The following DAZAP2 variants were observed in gnomAD, a reference collection of about 807,000 sequenced individuals.
DAZAP2 encodes DAZ-associated protein 2.
A neutral mutation model predicts 16.2 loss-of-function variants in DAZAP2; 3 were observed. The ratio of observed to expected loss-of-function variants is 0.19; its 90% CI spans 0.08 to 0.48. The LOEUF is 0.48. Ranked by LOEUF, DAZAP2 falls within the 20% of genes least tolerant of loss-of-function variation. The pLI is 0.98. For missense variants in DAZAP2, 172 were observed against 215.9 expected (o/e 0.80, Z 1.27); for synonymous variants, 69 against 77.6 (o/e 0.89, Z 0.58).
rs1592228091 is a variant in DAZAP2 at position 51,242,673 on chromosome 12, G to T, written c.*215G>T. The T allele has an allele frequency of 6.6e-7, 1 of 1,516,688 alleles. No homozygotes were observed. The allele number at this position is 1,516,688 out of a possible 1,614,324, so 94.0% of individuals were successfully genotyped here. A position where few individuals can be genotyped will look rare whatever the true frequency, so the allele number is the denominator to read the frequency against. The stretch of plus-strand genomic sequence containing the variant: ...CCTAAAGCATTTTGAGGTAGGGGAG[G>T]TATCCATTCATAAAATGAATGTGGG... On this transcript the variant is annotated 3_prime_UTR_variant, in exon 4 of 4. Coordinates refer to ENST00000412716, the MANE Select transcript of DAZAP2 (RefSeq NM_014764.4).
downstream of DAZAP2, chr12:51,244,027 T>A: frequency 1.7e-6 from 1 of 575,554 alleles, no homozygotes; most frequent in Non-Finnish European, 2.2e-6. Flanking sequence ...GACCTAAACT[T>A]AGAAATGAGG....
intron 1 of DAZAP2, chr12:51,239,343 T>G: frequency 5.2e-6 from 1 of 192,606 alleles, no homozygotes; most frequent in Non-Finnish European, 1.1e-5. Flanking sequence ...GAGGTCTCTT[T>G]TCCTTCCCTT....
intron 1 of DAZAP2, chr12:51,239,132 T>C: frequency 1.5e-6 from 1 of 649,742 alleles, no homozygotes; most frequent in Admixed American, 3.4e-5. Context: ...GTAAACTCTG[T>C]GGCGCAGTTT....
In DAZAP2 at chr12:51,242,605, T is replaced by C. The variant is rs1388262116; in HGVS notation, c.*147T>C. The C allele has an allele frequency of 3.2e-6, 5 of 1,585,550 alleles. No individual in the cohort carries two copies. Among genetic ancestry groups the C allele is most frequent in the Admixed American group, 1.9e-5 (1 of 53,750 alleles). ...TTCTGGTGCCCAAACTTTCAGGCACTTTTCAAATTTAATAAGGAACCATGT... is the reference window on the plus strand; with the variant it reads ...TTCTGGTGCCCAAACTTTCAGGCACCTTTCAAATTTAATAAGGAACCATGT... On this transcript the variant is annotated 3_prime_UTR_variant, in exon 4 of 4. Transcript: ENST00000412716.
chr12:51,246,003 C>G, downstream of DAZAP2: 4 of 1,613,936 alleles, frequency 2.5e-6, no homozygotes, highest in Non-Finnish European at 3.4e-6. Flanking sequence ...TGGACGATGG[C>G]ACTGGGCTCA....
At chr12:51,246,229 A>G, downstream of DAZAP2, 1 of 1,473,490 alleles carries the variant, frequency 6.8e-7, no homozygotes, top group Non-Finnish European at 9.1e-7. Context: ...TCTTGTTTTC[A>G]TTAACTAGTG....
intron 3 of DAZAP2, 31 bp downstream of exon 3, chr12:51,241,147 C>G (rs1489531001): frequency 6.2e-7 from 1 of 1,606,176 alleles, no homozygotes; most frequent in Non-Finnish European, 8.5e-7. Context: ...AGAAACTCAG[C>G]CCTTGTGTAT....
Position 51,240,957 on chromosome 12 carries a change from C to T in DAZAP2, c.219C>T (p.Pro73=), listed in dbSNP as rs1457493677. Residue 73 remains proline (P), a synonymous_variant, in exon 3 of 4, where the codon CCC becomes CCT. Coordinates refer to ENST00000412716, the MANE Select transcript of DAZAP2 (RefSeq NM_014764.4). ...TTCCTGGAGCCTCTCTGTATCTTCCCATGGCCCAGTCTGTGGCTGTTGGGC... is the reference window on the plus strand; with the variant it reads ...TTCCTGGAGCCTCTCTGTATCTTCCTATGGCCCAGTCTGTGGCTGTTGGGC... The part of the protein sequence containing the change: ...AAFPGASLYL[P]MAQSVAVGPL... 56 of 1,614,112 alleles carry T rather than the reference C, an allele frequency of 3.5e-5. No individual in the cohort carries two copies. Among genetic ancestry groups the T allele is most frequent in the Non-Finnish European group, 4.7e-5 (55 of 1,180,062 alleles).
In DAZAP2 at chr12:51,240,968, CTG is replaced by C; in HGVS notation, c.233_234del (p.Val78GlyfsTer33). On this transcript the variant is annotated frameshift_variant, in exon 3 of 4. Coordinates refer to ENST00000412716, the MANE Select transcript of DAZAP2 (RefSeq NM_014764.4). LOFTEE classifies it high-confidence loss of function. The stretch of plus-strand genomic sequence containing the variant: ...TCTCTGTATCTTCCCATGGCCCAGT[CTG>C]TGGCTGTTGGGCCTTTAGGTTCCAC... 1 of 1,614,218 alleles carries C rather than the reference CTG, an allele frequency of 6.2e-7. No individual in the cohort carries two copies. Among genetic ancestry groups the C allele is most frequent in the East Asian group, 2.2e-5 (1 of 44,882 alleles).
downstream of DAZAP2, chr12:51,246,653 A>G (rs1944776621): frequency 1.3e-6 from 1 of 764,936 alleles, no homozygotes; most frequent in Non-Finnish European, 2.0e-6. Flanking sequence ...ATAACTTACA[A>G]GCCAGAGTGA....
chr12:51,243,623 T>G lies in DAZAP2; in HGVS notation c.*1165T>G. On this transcript the variant is annotated 3_prime_UTR_variant, in exon 4 of 4. Coordinates refer to ENST00000412716, the MANE Select transcript of DAZAP2 (RefSeq NM_014764.4). ...ATTTCAGTTCATCTAAATTGTGTGT[T>G]CTGTACATGTGATGTTTGACTGTAC... 1 of 985,858 alleles carries G rather than the reference T, an allele frequency of 1.0e-6. No homozygotes were observed. The highest frequency in any genetic ancestry group is 1.2e-6 in the Non-Finnish European group (1 of 829,908). The allele number at this position is 985,858 out of a possible 1,614,324, so 61.1% of individuals were successfully genotyped here.
chr12:51,240,592 A>G (rs1434008315), intron 2 of DAZAP2, 131 bp downstream of exon 2: 4 of 988,446 alleles, frequency 4.0e-6, no homozygotes, highest in Admixed American at 2.5e-5. Flanking sequence ...ACACTATATA[A>G]TTTGGCAATT....
intron 1 of DAZAP2, chr12:51,239,994 A>G: frequency 3.6e-6 from 1 of 279,260 alleles, no homozygotes; most frequent in Non-Finnish European, 6.9e-6. Context: ...TGTGGAGACT[A>G]CCTAGAGCAG....
At position 51,243,721 on chromosome 12, in the gene DAZAP2, T is replaced by C. The variant is rs1303820003; in HGVS notation, c.*1263T>C. 4 of 985,676 alleles carry C rather than the reference T, an allele frequency of 4.1e-6. No homozygotes were observed. Among genetic ancestry groups the C allele is most frequent in the Non-Finnish European group, 4.8e-6 (4 of 829,738 alleles). The allele number at this position is 985,676 out of a possible 1,614,324, so 61.1% of individuals were successfully genotyped here. ...TGGTGCACTTAACTTGTGGAATTTT[T>C]ATACTAAAAATGTAGAATAAAGACT... is the stretch of plus-strand genomic sequence containing the variant. On this transcript the variant is annotated 3_prime_UTR_variant, in exon 4 of 4. Transcript: ENST00000412716.
At position 51,243,519 on chromosome 12, in the gene DAZAP2, G is replaced by GGT; in HGVS notation, c.*1062_*1063dup. ...CTTGAGTCCAGTGAAATCTCATTAG[G>GGT]GTTTAAGAATATTTCAGGGATCCTT... is the stretch of plus-strand genomic sequence containing the variant. On this transcript the variant is annotated 3_prime_UTR_variant, in exon 4 of 4. Transcript: ENST00000412716. 2 of 985,654 alleles carry GGT rather than the reference G, an allele frequency of 2.0e-6. No homozygotes were observed. Among genetic ancestry groups the GGT allele is most frequent in the Non-Finnish European group, 2.4e-6 (2 of 829,910 alleles). 61.1% of individuals were successfully genotyped at this position (985,654 alleles called of 1,614,324 possible). A position where few individuals can be genotyped will look rare whatever the true frequency, so the allele number is the denominator to read the frequency against.
intron 3 of DAZAP2, 149 bp downstream of exon 3, chr12:51,241,265 A>AG (rs1944671549): frequency 2.4e-6 from 3 of 1,276,346 alleles, no homozygotes; most frequent in African/African-American, 3.0e-5. Context: ...AAAGTGTTTG[A>AG]GGGGGCAGAA....
At chr12:51,246,493 C>G, downstream of DAZAP2, 1 of 446,086 alleles carries the variant, frequency 2.2e-6, no homozygotes, top group Non-Finnish European at 4.0e-6. Flanking sequence ...ATATCCTCGT[C>G]CCTACCCACG....
At chr12:51,238,945 C>T (rs1399814239) in intron 1 of DAZAP2, 25 bp downstream of exon 1, 5 of 1,612,732 alleles carry the variant, frequency 3.1e-6, no homozygotes, top group African/African-American at 1.3e-5. Flanking sequence ...TGGCAGAGGC[C>T]GTCGGGGGGA....
In DAZAP2 at chr12:51,242,364, A is replaced by T; in HGVS notation, c.413A>T (p.Gln138Leu). The change falls in exon 4 of 4, where the codon CAG (glutamine) becomes CTG (leucine). Residue 138 changes from glutamine to leucine, a missense_variant. By Grantham distance (113) the Gln-to-Leu change is moderately radical (BLOSUM62 -2). Coordinates refer to ENST00000412716, the MANE Select transcript of DAZAP2 (RefSeq NM_014764.4). The part of the protein sequence containing the change: ...PPPGCPPNAA[Q>L]LAVMQGANVL... ...CCTGGATGCCCTCCCAATGCTGCTC[A>T]GCTTGCAGTCATGCAGGGAGCCAAC... 1 of 1,611,272 alleles carries T rather than the reference A, an allele frequency of 6.2e-7. No homozygotes were observed. The highest frequency in any genetic ancestry group is 8.5e-7 in the Non-Finnish European group (1 of 1,178,552).
Sources: gnomAD v4.1 joint callset for allele counts on GRCh38, gnomAD v4.1.1 for gene constraint, MANE v1.5 for transcripts, NCBI Gene and HGNC (gene_info 2026-07-23, HGNC 2026-07-21) for gene names.